NRG3: variants seen among roughly 807,000 people sequenced by gnomAD.
NRG3 encodes pro-neuregulin-3, membrane-bound isoform.
NRG3 carries 31 observed loss-of-function variants against 66.9 expected under a neutral mutation model. The observed-to-expected ratio is 0.46, with a 90% CI of 0.35 to 0.63. NRG3 has a LOEUF of 0.63. Ranked by LOEUF, NRG3 falls within the 20% of genes least tolerant of loss-of-function variation. NRG3 has a pLI of 0.00. For missense variants in NRG3, 910 were observed against 878.9 expected, an observed-to-expected ratio of 1.04 and a Z score of -0.45; for synonymous variants, 393 against 359.4, an observed-to-expected ratio of 1.09 and a Z score of -1.06.
intron 2 of NRG3, among the ~76,000 whole-genome samples, chr10:82,411,763 C>G (rs936591778): frequency 6.6e-6 from 1 of 152,050 alleles, no homozygotes; most frequent in African/African-American, 2.4e-5. Context: ...TGGCTTCTGA[C>G]AATTGTTTGG....
chr10:82,460,053 A>C (rs977612382), intron 2 of NRG3, among the ~76,000 whole-genome samples: 1 of 152,162 alleles, frequency 6.6e-6, no homozygotes, highest in African/African-American at 2.4e-5. Flanking sequence ...TGAGGATTGC[A>C]TCTTTCTCCG....
intron 3 of NRG3, among the ~76,000 whole-genome samples, chr10:82,797,868 G>A (rs2060866975): frequency 6.6e-6 from 1 of 152,090 alleles, no homozygotes; most frequent in Non-Finnish European, 1.5e-5. Flanking sequence ...CTTCTTCAGG[G>A]CAACAGATTC....
At chr10:82,371,218 GA>G (rs2084871404) in intron 2 of NRG3, among the ~76,000 whole-genome samples, 1 of 152,016 alleles carries the variant, frequency 6.6e-6, no homozygotes, top group Admixed American at 6.6e-5. Flanking sequence ...TAAACTGAGG[GA>G]AAATATCTTC....
Position 82,932,252 on chromosome 10 carries a change from G to A in NRG3, c.1055-19217G>A, listed in dbSNP as rs139249441. ...CTTACTTTGCAATTCTGACCTCACC[G>A]CTACACACCATAGTTCACATTACCC... On this transcript the variant is annotated intron_variant, in intron 4 of 8. Transcript: ENST00000372141. Among the ~76,000 whole-genome samples, 767 of 152,164 alleles carry A rather than the reference G, an allele frequency of 5.0e-3. 6 individuals are homozygous for A. The highest frequency in any genetic ancestry group is 0.017 in the African/African-American group (726 of 41,510).
intron 1 of NRG3, among the ~76,000 whole-genome samples, chr10:82,175,480 T>A (rs907100908): frequency 6.6e-6 from 1 of 152,146 alleles, no homozygotes; most frequent in South Asian, 2.1e-4. Flanking sequence ...GCTGAATACA[T>A]CATGTCTGTG....
chr10:82,924,578 T>TAA (rs11376707), intron 4 of NRG3, among the ~76,000 whole-genome samples: 199 of 142,418 alleles, frequency 1.4e-3, no homozygotes, highest in African/African-American at 3.6e-3. Context: ...TATCTCACAT[T>TAA]AAAAAAAAAA....
At chr10:82,501,559 A>G (rs890567376) in intron 2 of NRG3, among the ~76,000 whole-genome samples, 3 of 151,790 alleles carry the variant, frequency 2.0e-5, no homozygotes, top group Non-Finnish European at 4.4e-5. Context: ...TCCATTCCCA[A>G]GTGTTATCTG....
At chr10:82,617,182 C>G (rs1456467101) in intron 2 of NRG3, among the ~76,000 whole-genome samples, 3 of 151,356 alleles carry the variant, frequency 2.0e-5, no homozygotes, top group African/African-American at 7.3e-5. Context: ...CACACATACA[C>G]ATACACACAC....
intron 2 of NRG3, among the ~76,000 whole-genome samples, chr10:82,380,089 A>G (rs1031846512): frequency 1.8e-4 from 27 of 152,024 alleles, no homozygotes; most frequent in African/African-American, 6.5e-4. Flanking sequence ...TTTGTTGGAT[A>G]TTTACCCTCA....
At chr10:82,834,854 A>C (rs2062699944) in intron 3 of NRG3, among the ~76,000 whole-genome samples, 1 of 152,214 alleles carries the variant, frequency 6.6e-6, no homozygotes, top group Non-Finnish European at 1.5e-5. Flanking sequence ...CTGCTTAGGT[A>C]GGAAACACTT....
rs888526183 is a variant in NRG3 at position 82,926,695 on chromosome 10, T to A, written c.1055-24774T>A. ...ACAAACAAAACAAAATTCAGGGACA[T>A]TGATTAATGCAATAAGAGCAAAATA... On this transcript the variant is annotated intron_variant, in intron 4 of 8. Transcript: ENST00000372141. Among the ~76,000 whole-genome samples, 8 of 152,248 alleles carry A rather than the reference T, an allele frequency of 5.3e-5. No homozygotes were observed. In the South Asian group the frequency reaches 1.7e-3, roughly 31 times the overall value.
At chr10:81,885,834 C>T (rs1343950434) in intron 1 of NRG3, among the ~76,000 whole-genome samples, 7 of 151,928 alleles carry the variant, frequency 4.6e-5, no homozygotes. Context: ...GGGTTGTTTG[C>T]CCAAATTTAT....
intron 1 of NRG3, among the ~76,000 whole-genome samples, chr10:82,104,390 C>T (rs1444866691): frequency 6.6e-6 from 1 of 152,112 alleles, no homozygotes; most frequent in African/African-American, 2.4e-5. Flanking sequence ...AATATCTACA[C>T]ATATCAGAGG....
At chr10:81,899,588 G>C (rs1204282445) in intron 1 of NRG3, among the ~76,000 whole-genome samples, 1 of 152,190 alleles carries the variant, frequency 6.6e-6, no homozygotes, top group African/African-American at 2.4e-5. Context: ...TTAAAAGAGA[G>C]AAAGCTCCTG....
chr10:82,794,936 C>T (rs1450707129), intron 3 of NRG3, among the ~76,000 whole-genome samples: 1 of 152,254 alleles, frequency 6.6e-6, no homozygotes, highest in African/African-American at 2.4e-5. Flanking sequence ...TAAGCTCTAA[C>T]CTCTCTCCCC....
Position 82,962,893 on chromosome 10 carries a change from C to T in NRG3, c.1284+3818C>T, listed in dbSNP as rs138687222. 2.5e-3 allele frequency among the ~76,000 whole-genome samples: 373 copies of T among 152,040 alleles called. 3 individuals are homozygous for T. The highest frequency in any genetic ancestry group is 8.5e-3 in the African/African-American group (351 of 41,490). On this transcript the variant is annotated intron_variant, in intron 6 of 8. Transcript: ENST00000372141. ...AAAAAGAATTTAGTGCCTAACAGAG[C>T]CTTAAAAATTGGTGAAAAGGCACAT...
At chr10:82,052,407 A>C (rs1042547723) in intron 1 of NRG3, among the ~76,000 whole-genome samples, 1 of 152,078 alleles carries the variant, frequency 6.6e-6, no homozygotes, top group Admixed American at 6.6e-5. Flanking sequence ...AGCCAACCAC[A>C]TTCCAAGAAC....
At chr10:82,378,619 G>A (rs2085414434) in intron 2 of NRG3, among the ~76,000 whole-genome samples, 1 of 151,886 alleles carries the variant, frequency 6.6e-6, no homozygotes, top group Admixed American at 6.6e-5. Context: ...TGCCCAGGCT[G>A]GAGTGCGGTG....
At chr10:82,700,005 G>T (rs1468015310) in intron 2 of NRG3, among the ~76,000 whole-genome samples, 1 of 152,088 alleles carries the variant, frequency 6.6e-6, no homozygotes, top group Non-Finnish European at 1.5e-5. Flanking sequence ...AGCAAGATAA[G>T]CCATCACACT....
Sources: gnomAD v4.1 joint callset for allele counts (sites outside exome capture counted in the v4.1 genomes callset) on GRCh38, gnomAD v4.1.1 for gene constraint, MANE v1.5 for transcripts, NCBI Gene and HGNC (gene_info 2026-07-23, HGNC 2026-07-21) for gene names.